ANKMY1: variants seen among roughly 807,000 people sequenced by gnomAD.
ANKMY1 encodes ankyrin repeat and MYND domain containing 1, also known as ankyrin repeat and MYND domain-containing protein 1.
ANKMY1 carries 98 observed loss-of-function variants against 102.0 expected under a neutral mutation model. That is an observed-to-expected ratio of 0.96 (90% CI 0.82 to 1.14). ANKMY1 has a LOEUF of 1.14. ANKMY1 is among the 50% of genes most tolerant of loss of function. The pLI is 0.00. For missense variants in ANKMY1, 1,330 were observed against 1,347.6 expected (o/e 0.99, Z 0.20); for synonymous variants, 582 against 559.9 (o/e 1.04, Z -0.56).
At chr2:240,516,358 A>T (rs182330675) in intron 9 of ANKMY1, among the ~76,000 whole-genome samples, 5 of 152,306 alleles carry the variant, frequency 3.3e-5, no homozygotes, top group Admixed American at 3.3e-4. Context: ...CTAGAGAGAC[A>T]TATTAGGCTT....
At chr2:240,550,139 G>A (rs1226308548) in intron 4 of ANKMY1, among the ~76,000 whole-genome samples, 4 of 151,798 alleles carry the variant, frequency 2.6e-5, no homozygotes, top group African/African-American at 4.8e-5. Context: ...ATGATAGACT[G>A]GATTAAGAAA....
chr2:240,543,843 G>A (rs114930399), intron 4 of ANKMY1, among the ~76,000 whole-genome samples: 3 of 152,274 alleles, frequency 2.0e-5, no homozygotes, highest in African/African-American at 7.2e-5. Context: ...AAAAGGTTAT[G>A]ATATGGGGAA....
Position 240,479,492 on chromosome 2 carries a change from C to G in ANKMY1, c.*117G>C, listed in dbSNP as rs1458343820. 4.7e-6 allele frequency: 6 copies of G among 1,267,044 alleles called. No homozygotes were observed. The Admixed American group carries it at 1.1e-4, about 23-fold the overall frequency. The allele number at this position is 1,267,044 out of a possible 1,614,324, so 78.5% of individuals were successfully genotyped here. A position where few individuals can be genotyped will look rare whatever the true frequency, so the allele number is the denominator to read the frequency against. ...AGGGAGACACTGCTACAAAGCATGA[C>G]CCCAAAGGTGCAGAAATGCCTGCAT... On this transcript the variant is annotated 3_prime_UTR_variant, in exon 18 of 18. Transcript: ENST00000401804.
At chr2:240,492,904 G>A (rs930933737) in intron 15 of ANKMY1, among the ~76,000 whole-genome samples, 1 of 152,118 alleles carries the variant, frequency 6.6e-6, no homozygotes, top group Non-Finnish European at 1.5e-5. Flanking sequence ...TGGCCAGGCT[G>A]GTCTGGAACT....
At chr2:240,470,182 G>A in the ANKMY1 span, among the ~76,000 whole-genome samples, 1 of 152,232 alleles carries the variant, frequency 6.6e-6, no homozygotes, top group South Asian at 2.1e-4. Context: ...CCTTGAGTTT[G>A]GGACAGACGA....
At chr2:240,539,082 G>T (rs1393209144) in intron 4 of ANKMY1, among the ~76,000 whole-genome samples, 1 of 152,186 alleles carries the variant, frequency 6.6e-6, no homozygotes, top group Non-Finnish European at 1.5e-5. Flanking sequence ...GGGAATAAAC[G>T]CAGGCTGCCT....
chr2:240,498,537 G>A (rs1182239440), intron 15 of ANKMY1, among the ~76,000 whole-genome samples: 1 of 114,346 alleles, frequency 8.7e-6, no homozygotes, highest in African/African-American at 3.2e-5. Context: ...GGGGTGTGCG[G>A]GCAGCTGTGG....
rs770141076 is a variant in ANKMY1 at position 240,520,524 on chromosome 2, C to G, written c.1842G>C (p.Lys614Asn). ...GCAGCAGCTTGATGGTCCGCCAGCG[C>G]TTCCTCCGCCTGAAAAAGACGGTGC... ...RMALSMIERR[K>N]RWRTIKLLLR... Residue 614 changes from lysine (K) to asparagine (N), a missense_variant, in exon 9 of 18, where the codon AAG becomes AAC. Coordinates refer to ENST00000401804, the MANE Select transcript of ANKMY1 (RefSeq NM_001282771.3). This position sits in a 1 kb window ranked among gnomAD's most constrained non-coding sequence, Gnocchi z 4.8. 2 of 1,611,460 alleles carry G rather than the reference C, an allele frequency of 1.2e-6. No homozygotes were observed. The highest frequency in any genetic ancestry group is 2.2e-5 in the East Asian group (1 of 44,864).
rs2079327053 is a variant in ANKMY1, at chr2:240,507,625, C to T, written c.2461G>A (p.Ala821Thr). The T allele has an allele frequency of 1.8e-5, 29 of 1,612,000 alleles. No individual in the cohort carries two copies. The highest frequency in any genetic ancestry group is 2.3e-5 in the Non-Finnish European group (27 of 1,178,972). ...GTCAGGTCACAGGCAACACACAGGG[C>T]ACTGCCCAAGCCTTTGGTCAGGGGC... ...NLPLTKGLGSALCVACDLTYE... is the reference protein window; with the variant it reads ...NLPLTKGLGSTLCVACDLTYE... The change falls in exon 13 of 18, where the codon GCC becomes ACC. Residue 821 changes from alanine (A) to threonine (T), a missense_variant. Coordinates refer to ENST00000401804, the MANE Select transcript of ANKMY1 (RefSeq NM_001282771.3).
chr2:240,524,559 G>A (rs951784408), intron 7 of ANKMY1, among the ~76,000 whole-genome samples, 178 bp from the exon 8 acceptor site: 5 of 152,200 alleles, frequency 3.3e-5, no homozygotes, highest in Non-Finnish European at 5.9e-5. Context: ...CCCTGTGAAG[G>A]CATCGGACAG....
intron 4 of ANKMY1, among the ~76,000 whole-genome samples, chr2:240,542,726 A>C (rs921937706): frequency 1.3e-5 from 2 of 148,964 alleles, no homozygotes; most frequent in Non-Finnish European, 3.0e-5. Context: ...ATATCTATAT[A>C]TATATATATA....
chr2:240,510,677 T>C lies in ANKMY1; in HGVS notation c.2286+1184A>G, dbSNP rs530879920. Among the ~76,000 whole-genome samples, 14 of 152,250 alleles carry C rather than the reference T, an allele frequency of 9.2e-5. No individual in the cohort carries two copies. The South Asian group carries it at 1.9e-3, about 20-fold the overall frequency. ...CAAGGAGGTGCCCACAGAAGTCTGC[T>C]GAGGGGCTCCTGGGAAAGGGACCCC... On this transcript the variant is annotated intron_variant, in intron 11 of 17. Transcript: ENST00000401804.
At chr2:240,503,539 C>T (rs189236201) in intron 13 of ANKMY1, among the ~76,000 whole-genome samples, 75 of 152,290 alleles carry the variant, frequency 4.9e-4, no homozygotes, top group Middle Eastern at 3.4e-3. Flanking sequence ...TCGAGCTTCA[C>T]GCGTTCATTT....
chr2:240,515,708 G>C (rs2081066518), intron 9 of ANKMY1, among the ~76,000 whole-genome samples: 1 of 151,908 alleles, frequency 6.6e-6, no homozygotes, highest in Admixed American at 6.6e-5. Context: ...AATTTTTGTA[G>C]AACATTAATA....
At chr2:240,508,301 C>T (rs758020598) in intron 12 of ANKMY1, among the ~76,000 whole-genome samples, 1 of 152,270 alleles carries the variant, frequency 6.6e-6, no homozygotes, top group African/African-American at 2.4e-5. Flanking sequence ...TCCCTCCACA[C>T]CCCTGCCTCT....
In ANKMY1 at chr2:240,499,895, G is replaced by GCC. The variant is rs2077872910; in HGVS notation, c.2806+61_2806+62dup. 1 of 1,525,458 alleles carries GCC rather than the reference G, an allele frequency of 6.6e-7. No individual in the cohort carries two copies. The highest frequency in any genetic ancestry group is 1.4e-5 in the African/African-American group (1 of 73,186). 94.5% of individuals were successfully genotyped at this position (1,525,458 alleles called of 1,614,324 possible). A position where few individuals can be genotyped will look rare whatever the true frequency, so the allele number is the denominator to read the frequency against. On this transcript the variant is annotated intron_variant, in intron 15 of 17. Coordinates refer to ENST00000401804, the MANE Select transcript of ANKMY1 (RefSeq NM_001282771.3). This position sits in a 1 kb window ranked among gnomAD's most constrained non-coding sequence, Gnocchi z 4.2. ...GGGGTCCAGATCTCCAGGGATAACA[G>GCC]CCCCAGGCACGAGGCCGGAACGCCG...
chr2:240,539,969 G>A lies in ANKMY1; in HGVS notation c.481-10460C>T, dbSNP rs1331246953. ...ACTAATGTTAAAATAGAGACCAGAA[G>A]GCTGACAAAACAGACTCTCTATAGC... is the stretch of plus-strand genomic sequence containing the variant. On this transcript the variant is annotated intron_variant, in intron 4 of 17. Coordinates refer to ENST00000401804, the MANE Select transcript of ANKMY1 (RefSeq NM_001282771.3). Among the ~76,000 whole-genome samples, 13 of 152,296 alleles carry A rather than the reference G, an allele frequency of 8.5e-5. No individual in the cohort carries two copies. In the East Asian group the frequency reaches 1.5e-3, roughly 18 times the overall value.
intron 3 of ANKMY1, chr2:240,553,663 G>A (rs2091907533): frequency 6.5e-6 from 1 of 152,952 alleles, no homozygotes; most frequent in Admixed American, 6.5e-5. Flanking sequence ...GGGAGGCCGA[G>A]GCAGGCGGAT....
chr2:240,520,055 GTC>G lies in ANKMY1; in HGVS notation c.2004+305_2004+306del, dbSNP rs2081893512. The G allele has an allele frequency of 1.7e-6, 1 of 576,346 alleles. No homozygotes were observed. The highest frequency in any genetic ancestry group is 1.9e-5 in the African/African-American group (1 of 53,976). The allele number at this position is 576,346 out of a possible 1,614,324, so 35.7% of individuals were successfully genotyped here. ...GAGGCCCGCCTCCTCCTGAATATAA[GTC>G]TCCCCTTTCCAAGGGGCCTTCAGGA... On this transcript the variant is annotated intron_variant, in intron 9 of 17. Coordinates refer to ENST00000401804, the MANE Select transcript of ANKMY1 (RefSeq NM_001282771.3). The surrounding 1 kb of genome is among the most constrained non-coding windows in gnomAD (Gnocchi z 4.8).
Sources: gnomAD v4.1 joint callset for allele counts (sites outside exome capture counted in the v4.1 genomes callset) on GRCh38, gnomAD v4.1.1 for gene constraint, Gnocchi (gnomAD v3.1) non-coding constraint, MANE v1.5 for transcripts, NCBI Gene and HGNC (gene_info 2026-07-23, HGNC 2026-07-21) for gene names.